Variants in MYO1E observed in about 807,000 individuals in gnomAD.
MYO1E encodes unconventional myosin-Ie.
Under a neutral mutation model 151.1 loss-of-function variants are expected in MYO1E, and 68 were observed. That is an observed-to-expected ratio of 0.45 (90% CI 0.37 to 0.55). MYO1E has a LOEUF of 0.55. Ranked by LOEUF, MYO1E falls within the 20% of genes least tolerant of loss-of-function variation. The pLI is 0.00. For synonymous variants in MYO1E, 601 were observed against 501.7 expected, an observed-to-expected ratio of 1.20 and a Z score of -2.64; for missense variants, 1,363 against 1,389.3, an observed-to-expected ratio of 0.98 and a Z score of 0.30.
At chr15:59,324,104 A>G (rs541314599) in intron 1 of MYO1E, among the ~76,000 whole-genome samples, 30 of 152,310 alleles carry the variant, frequency 2.0e-4, no homozygotes, top group African/African-American at 5.8e-4. Context: ...GCCACAAATC[A>G]TAAGTAAGAA....
At chr15:59,349,185 GTAAT>G (rs1335695473) in intron 1 of MYO1E, among the ~76,000 whole-genome samples, 2 of 152,110 alleles carry the variant, frequency 1.3e-5, no homozygotes, top group Non-Finnish European at 2.9e-5. Flanking sequence ...CTTATTAATA[GTAAT>G]TATTAATTAG....
At chr15:59,197,199 G>C (rs1270730953) in intron 16 of MYO1E, among the ~76,000 whole-genome samples, 1 of 151,912 alleles carries the variant, frequency 6.6e-6, no homozygotes, top group Non-Finnish European at 1.5e-5. Context: ...CACCATGTTG[G>C]TCAGGCTGGT....
intron 1 of MYO1E, among the ~76,000 whole-genome samples, chr15:59,281,073 G>C (rs147252716): frequency 6.6e-6 from 1 of 152,216 alleles, no homozygotes; most frequent in African/African-American, 2.4e-5. Flanking sequence ...ACCACAGCTC[G>C]CAAAGCAAGG....
At chr15:59,205,197 G>A (rs1206847079) in intron 15 of MYO1E, among the ~76,000 whole-genome samples, 2 of 152,074 alleles carry the variant, frequency 1.3e-5, no homozygotes, top group African/African-American at 4.8e-5. Flanking sequence ...ATGTTGCCTG[G>A]CTGGAGGGCA....
intron 1 of MYO1E, among the ~76,000 whole-genome samples, chr15:59,316,519 G>C (rs541533494): frequency 6.6e-6 from 1 of 152,150 alleles, no homozygotes; most frequent in Non-Finnish European, 1.5e-5. Flanking sequence ...GAAAGAAAAC[G>C]AATGGAAATG....
chr15:59,256,395 TA>T lies in MYO1E; in HGVS notation c.238-18del. On this transcript the variant is annotated intron_variant, in intron 3 of 27. Coordinates refer to ENST00000288235, the MANE Select transcript of MYO1E (RefSeq NM_004998.4). ...ATACTGTGCCTAGAAAAGCAAAAAA[TA>T]ATAATACATAAATAATAATAAAAAT... The T allele has an allele frequency of 7.3e-7, 1 of 1,379,196 alleles. No individual in the cohort carries two copies. The highest frequency in any genetic ancestry group is 1.0e-6 in the Non-Finnish European group (1 of 987,140). The allele number at this position is 1,379,196 out of a possible 1,614,324, so 85.4% of individuals were successfully genotyped here.
intron 14 of MYO1E, chr15:59,207,645 T>G: frequency 6.2e-7 from 1 of 1,614,204 alleles, no homozygotes. Context: ...AAAGCTGCCA[T>G]GGATGGATCC....
chr15:59,262,076 C>T lies in MYO1E; in HGVS notation c.148-567G>A, dbSNP rs112115835. Among the ~76,000 whole-genome samples the T allele has an allele frequency of 5.4e-3, 822 of 152,122 alleles. 21 individuals carry two copies. In the East Asian group the frequency reaches 0.075, roughly 14 times the overall value. ...AATTAGCCAGCTGTGGTGGCACACG[C>T]CTGTAGTCCCTGCTACTGTACTCAG... On this transcript the variant is annotated intron_variant, in intron 2 of 27. Transcript: ENST00000288235.
In MYO1E at chr15:59,224,840, C is replaced by G; in HGVS notation, c.643-17G>C. The G allele has an allele frequency of 6.2e-7, 1 of 1,614,128 alleles. No homozygotes were observed. The highest frequency in any genetic ancestry group is 1.1e-5 in the South Asian group (1 of 91,076). On this transcript the variant is annotated splice_polypyrimidine_tract_variant and intron_variant, in intron 7 of 27. Coordinates refer to ENST00000288235, the MANE Select transcript of MYO1E (RefSeq NM_004998.4). ...CTCGATGAGCTGGAGCAAGAGAACA[C>G]AGGTTGAGCCATGATGTGGACCACA...
At chr15:59,279,526 T>C (rs567833301) in intron 1 of MYO1E, among the ~76,000 whole-genome samples, 12 of 152,288 alleles carry the variant, frequency 7.9e-5, no homozygotes, top group Admixed American at 6.5e-4. Context: ...CTGTGCCACT[T>C]AGCCATAGGG....
rs1204017550 is a variant in MYO1E at position 59,133,345 on chromosome 15, C to T, written c.*4035G>A. ...CATGATCGCACCACTGTTCTCTAGT[C>T]TGGGTGACAAAGTGAGGTGCTGTCT... On this transcript the variant is annotated 3_prime_UTR_variant, in exon 28 of 28. Transcript: ENST00000288235. The T allele has an allele frequency of 6.6e-6, 1 of 152,084 alleles. No individual in the cohort carries two copies. Among genetic ancestry groups the T allele is most frequent in the Non-Finnish European group, 1.5e-5 (1 of 68,034 alleles). The allele number at this position is 152,084 out of a possible 1,614,324, so 9.4% of individuals were successfully genotyped here.
At chr15:59,320,576 G>A (rs770744352) in intron 1 of MYO1E, among the ~76,000 whole-genome samples, 1 of 152,142 alleles carries the variant, frequency 6.6e-6, no homozygotes, top group African/African-American at 2.4e-5. Context: ...ACAAAAATAA[G>A]CAATGTGGAA....
intron 1 of MYO1E, among the ~76,000 whole-genome samples, chr15:59,287,675 T>C (rs1238192799): frequency 6.6e-6 from 1 of 152,190 alleles, no homozygotes; most frequent in Non-Finnish European, 1.5e-5. Flanking sequence ...TGCATGTTTT[T>C]CCCATGTCTG....
intron 18 of MYO1E, among the ~76,000 whole-genome samples, chr15:59,179,942 C>T (rs1363270348): frequency 2.6e-5 from 4 of 152,246 alleles, no homozygotes; most frequent in African/African-American, 7.2e-5. Flanking sequence ...GGCCCCCAGG[C>T]CTTGAGCGAA....
intron 4 of MYO1E, among the ~76,000 whole-genome samples, chr15:59,237,636 T>C (rs2080074791): frequency 1.9e-5 from 2 of 102,878 alleles, no homozygotes; most frequent in Admixed American, 1.0e-4. Context: ...TAGGACAATA[T>C]TTTTGTTCGC....
At chr15:59,236,344 T>C (rs1293328972) in intron 5 of MYO1E, among the ~76,000 whole-genome samples, 5 of 26,828 alleles carry the variant, frequency 1.9e-4, no homozygotes, top group African/African-American at 5.6e-4. Context: ...AGACTCTGTC[T>C]CAAAAAAGAA....
chr15:59,243,455 T>A (rs2080112019), intron 4 of MYO1E, among the ~76,000 whole-genome samples: 1 of 152,198 alleles, frequency 6.6e-6, no homozygotes, highest in Admixed American at 6.5e-5. Flanking sequence ...GGTGCTTTTA[T>A]AATCTCCATT....
chr15:59,162,462 G>A (rs1273386378), intron 23 of MYO1E, among the ~76,000 whole-genome samples: 1 of 151,936 alleles, frequency 6.6e-6, no homozygotes, highest in Non-Finnish European at 1.5e-5. Flanking sequence ...TGGCCAACAT[G>A]GTGAAACCCC....
At chr15:59,242,955 G>C (rs2080108871) in intron 4 of MYO1E, among the ~76,000 whole-genome samples, 1 of 152,188 alleles carries the variant, frequency 6.6e-6, no homozygotes, top group Non-Finnish European at 1.5e-5. Context: ...GAACAAGATA[G>C]AAAAGTCAGA....
Sources: allele counts gnomAD v4.1 joint callset (sites outside exome capture counted in the v4.1 genomes callset), GRCh38; gene constraint gnomAD v4.1.1; transcripts MANE v1.5; gene names NCBI Gene and HGNC (gene_info 2026-07-23, HGNC 2026-07-21).